The following NTSR2 variants were observed in gnomAD, a reference collection of about 807,000 sequenced individuals.
NTSR2 encodes the protein neurotensin receptor type 2.
A neutral mutation model predicts 24.1 loss-of-function variants in NTSR2; 22 were observed. The ratio of observed to expected loss-of-function variants is 0.91; its 90% CI spans 0.65 to 1.30. NTSR2 has a LOEUF of 1.30. NTSR2 is among the 50% of genes most tolerant of loss of function. The probability of loss-of-function intolerance (pLI) is 0.00; values close to 1 mark genes in which losing one functional copy is unlikely to be tolerated. For synonymous variants in NTSR2, 291 were observed against 267.0 expected (o/e 1.09, Z -0.88); for missense variants, 570 against 570.4 (o/e 1.00, Z 0.01).
At position 11,670,048 on chromosome 2, in the gene NTSR2, G is replaced by T; in HGVS notation, c.82C>A (p.Arg28Ser). 2.0e-6 allele frequency: 3 copies of T among 1,494,814 alleles called. No individual in the cohort carries two copies. The highest frequency in any genetic ancestry group is 1.3e-5 in the South Asian group (1 of 78,248). The allele number at this position is 1,494,814 out of a possible 1,614,324, so 92.6% of individuals were successfully genotyped here. A position where few individuals can be genotyped will look rare whatever the true frequency, so the allele number is the denominator to read the frequency against. The change falls in exon 1 of 4, where the codon CGC (arginine) becomes AGC (serine). Residue 28 changes from arginine to serine, a missense_variant. By Grantham distance (110) the Arg-to-Ser change is moderately radical (BLOSUM62 -1). Transcript: ENST00000306928. ...GTGAACAGCACCTTGGCCCAGAGGC[G>T]AGTGTCCACGCCCAGCCGGGCGTCC... is the stretch of plus-strand genomic sequence containing the variant. Reference protein sequence around the residue: ...SLDARLGVDTRLWAKVLFTAL... With the variant: ...SLDARLGVDTSLWAKVLFTAL...
intron 1 of NTSR2, among the ~76,000 whole-genome samples, chr2:11,664,518 A>C (rs1463483488): frequency 1.3e-5 from 2 of 152,132 alleles, no homozygotes; most frequent in African/African-American, 4.8e-5. Context: ...TTTTATCTTA[A>C]TGCTTGCTCA....
chr2:11,665,190 A>G (rs927777481), intron 1 of NTSR2, among the ~76,000 whole-genome samples: 1 of 151,324 alleles, frequency 6.6e-6, no homozygotes, highest in Non-Finnish European at 1.5e-5. Flanking sequence ...TCATTGTCAC[A>G]GCCACGCCAG....
intron 1 of NTSR2, 46 bp downstream of exon 1, chr2:11,669,460 G>GGGCGGGGGGGC: frequency 3.9e-6 from 1 of 254,726 alleles, no homozygotes; most frequent in Non-Finnish European, 6.9e-6. Context: ...TCCCAGCACC[G>GGGCGGGGGGGC]CCCCCCCACC....
chr2:11,658,675 AG>A lies in NTSR2; in HGVS notation c.1036del (p.Leu346PhefsTer8), dbSNP rs760604094. ...YHYFYMVTNT[L>X]FYVSSAVTPL... ...AGTCACAGCTGAGCTGACGTAGAAA[AG>A]TGTGTTGGTCACCATGTAGAAGTAG... On this transcript the variant is annotated frameshift_variant, in exon 4 of 4. Coordinates refer to ENST00000306928, the MANE Select transcript of NTSR2 (RefSeq NM_012344.4). LOFTEE classifies it low-confidence loss of function (END_TRUNC). The A allele has an allele frequency of 2.6e-5, 42 of 1,614,004 alleles. No individual in the cohort carries two copies. The Admixed American group carries it at 6.8e-4, about 26-fold the overall frequency.
At chr2:11,668,361 C>T (rs1315557676) in intron 1 of NTSR2, among the ~76,000 whole-genome samples, 12 of 152,090 alleles carry the variant, frequency 7.9e-5, no homozygotes, top group Admixed American at 7.9e-4. Context: ...GAGGGCCCTT[C>T]GACTGTGTAG....
At chr2:11,666,204 C>T (rs1259859421) in intron 1 of NTSR2, among the ~76,000 whole-genome samples, 1 of 152,122 alleles carries the variant, frequency 6.6e-6, no homozygotes, top group African/African-American at 2.4e-5. Context: ...TTGCGGGTCT[C>T]CAGCTGGTCG....
At position 11,669,736 on chromosome 2, in the gene NTSR2, C is replaced by A; in HGVS notation, c.394G>T (p.Glu132Ter). The A allele has an allele frequency of 6.5e-7, 1 of 1,532,218 alleles. No individual in the cohort carries two copies. The highest frequency in any genetic ancestry group is 2.5e-5 in the East Asian group (1 of 40,704). The allele number at this position is 1,532,218 out of a possible 1,614,324, so 94.9% of individuals were successfully genotyped here. A position where few individuals can be genotyped will look rare whatever the true frequency, so the allele number is the denominator to read the frequency against. Residue 132 changes from glutamate (E) to a stop codon, truncating the protein, a stop_gained, in exon 1 of 4, where the codon GAG becomes TAG. Transcript: ENST00000306928. LOFTEE classifies it high-confidence loss of function. ...GGCTGGCACACGGCTAGGCAGCGCT[C>A]GGCGCTCAGGCCTGCCACGCTCAGC... ...TVLSVAGLSA[E>*]RCLAVCQPLR...
At chr2:11,667,058 C>G (rs1405062388) in intron 1 of NTSR2, among the ~76,000 whole-genome samples, 1 of 152,226 alleles carries the variant, frequency 6.6e-6, no homozygotes, top group African/African-American at 2.4e-5. Context: ...TGTTCTTGTC[C>G]TGTGGACAGA....
At chr2:11,662,696 G>C (rs543817955) in intron 1 of NTSR2, among the ~76,000 whole-genome samples, 50 of 152,298 alleles carry the variant, frequency 3.3e-4, no homozygotes, top group Non-Finnish European at 5.0e-4. Context: ...CAGGAGAATG[G>C]TGTGAACCCA....
In NTSR2 at chr2:11,662,133, A is replaced by T; in HGVS notation, c.732T>A (p.Ser244=). 6.2e-7 allele frequency: 1 copy of T among 1,610,810 alleles called. No individual in the cohort carries two copies. Among genetic ancestry groups the T allele is most frequent in the Non-Finnish European group, 8.5e-7 (1 of 1,178,836 alleles). The change falls in exon 2 of 4, where the codon TCT becomes TCA. Residue 244 remains serine (S), a synonymous_variant. Coordinates refer to ENST00000306928, the MANE Select transcript of NTSR2 (RefSeq NM_012344.4). ...LALCSQVPST[S]TPGSSTPSRL... ...GGCTGGGGGTGGAGCTGCCCGGGGTAGAAGTGGACGGCACTTGGGAGCAGA... is the reference window on the plus strand; with the variant it reads ...GGCTGGGGGTGGAGCTGCCCGGGGTTGAAGTGGACGGCACTTGGGAGCAGA...
chr2:11,669,459 C>CCGGGCGGGGGGG, intron 1 of NTSR2, 47 bp downstream of exon 1: 5 of 337,890 alleles, frequency 1.5e-5, no homozygotes, highest in Admixed American at 4.9e-5. Flanking sequence ...CTCCCAGCAC[C>CCGGGCGGGGGGG]GCCCCCCCAC....
chr2:11,660,480 C>T (rs912809985), intron 2 of NTSR2, among the ~76,000 whole-genome samples: 1 of 152,164 alleles, frequency 6.6e-6, no homozygotes, highest in South Asian at 2.1e-4. Context: ...AACTGTCTTT[C>T]TTGGGCCAGG....
Position 11,658,568 on chromosome 2 carries a change from G to A in NTSR2, c.1144C>T (p.Pro382Ser). The change falls in exon 4 of 4, where the codon CCC (proline) becomes TCC (serine). Residue 382 changes from proline (P) to serine (S), a missense_variant. Pro to Ser is a moderately conservative substitution (Grantham distance 74). Coordinates refer to ENST00000306928, the MANE Select transcript of NTSR2 (RefSeq NM_012344.4). ...AVSSLCGEHHPMKRLPPKPQS... is the reference protein window; with the variant it reads ...AVSSLCGEHHSMKRLPPKPQS... ...GGCTTCGGGGGTAACCGCTTCATGG[G>A]GTGGTGCTCTCCACACAGGGAGCTG... The A allele has an allele frequency of 6.2e-7, 1 of 1,614,200 alleles. No homozygotes were observed. Among genetic ancestry groups the A allele is most frequent in the Non-Finnish European group, 8.5e-7 (1 of 1,180,040 alleles).
intron 1 of NTSR2, among the ~76,000 whole-genome samples, chr2:11,664,904 G>C (rs1441952551): frequency 1.3e-5 from 2 of 152,028 alleles, no homozygotes; most frequent in Non-Finnish European, 2.9e-5. Context: ...TGTTTCAATT[G>C]AAACATTTTT....
At chr2:11,669,459 C>CCGGGGGGGG in intron 1 of NTSR2, 47 bp downstream of exon 1, 109 of 337,806 alleles carry the variant, frequency 3.2e-4, no homozygotes, top group Middle Eastern at 7.6e-4. Context: ...CTCCCAGCAC[C>CCGGGGGGGG]GCCCCCCCAC....
In NTSR2 at chr2:11,660,210, G is replaced by A. The variant is rs184953235; in HGVS notation, c.899-77C>T. The A allele has an allele frequency of 1.3e-4, 145 of 1,137,400 alleles. No individual in the cohort carries two copies. In the African/African-American group the frequency reaches 2.2e-3, roughly 17 times the overall value. The allele number at this position is 1,137,400 out of a possible 1,614,324, so 70.5% of individuals were successfully genotyped here. ...CTCAGTTACACCATTGCAAAGGGAG[G>A]CTGATGCCCGAGGGGATAGCAGCAT... On this transcript the variant is annotated intron_variant, in intron 2 of 3. Coordinates refer to ENST00000306928, the MANE Select transcript of NTSR2 (RefSeq NM_012344.4).
At position 11,670,182 on chromosome 2, in the gene NTSR2, G is replaced by A; in HGVS notation, c.-53C>T. On this transcript the variant is annotated 5_prime_UTR_variant, in exon 1 of 4. Transcript: ENST00000306928. The stretch of plus-strand genomic sequence containing the variant: ...CTCTCACTGCCCGGAGTCTGGGCGA[G>A]CTGCCTGGTTAGTGAGCACCTCCTC... 1 of 1,357,996 alleles carries A rather than the reference G, an allele frequency of 7.4e-7. No individual in the cohort carries two copies. 84.1% of individuals were successfully genotyped at this position (1,357,996 alleles called of 1,614,324 possible).
At chr2:11,665,036 T>G (rs996458697) in intron 1 of NTSR2, among the ~76,000 whole-genome samples, 1 of 150,928 alleles carries the variant, frequency 6.6e-6, no homozygotes, top group Non-Finnish European at 1.5e-5. Flanking sequence ...ACACAAACAT[T>G]GCTTGGCACT....
chr2:11,667,474 AC>A (rs1661230175), intron 1 of NTSR2, among the ~76,000 whole-genome samples: 1 of 152,054 alleles, frequency 6.6e-6, no homozygotes, highest in Non-Finnish European at 1.5e-5. Context: ...AGGCTCCTCA[AC>A]AGCTAGGACT....
Sources: allele counts gnomAD v4.1 joint callset (sites outside exome capture counted in the v4.1 genomes callset), GRCh38; gene constraint gnomAD v4.1.1; transcripts MANE v1.5; gene names NCBI Gene and HGNC (gene_info 2026-07-23, HGNC 2026-07-21).